Variants in NRG3 observed in about 807,000 individuals in gnomAD.
NRG3 encodes neuregulin 3.
A neutral mutation model predicts 66.9 loss-of-function variants in NRG3; 31 were observed. That is an observed-to-expected ratio of 0.46 (90% CI 0.35 to 0.63). The LOEUF is 0.63. Among genes scored for constraint, NRG3 ranks in the 20% least tolerant of loss-of-function variants. NRG3 has a pLI of 0.00. For missense variants in NRG3, 910 were observed against 878.9 expected, an observed-to-expected ratio of 1.04 and a Z score of -0.45; for synonymous variants, 393 against 359.4, an observed-to-expected ratio of 1.09 and a Z score of -1.06.
chr10:82,321,809 A>G (rs35323469), intron 1 of NRG3, among the ~76,000 whole-genome samples: 7 of 152,248 alleles, frequency 4.6e-5, no homozygotes, highest in Admixed American at 4.6e-4. Flanking sequence ...TCCTGAAGGC[A>G]TAGAACCTTT....
chr10:82,539,345 C>G (rs544131895), intron 2 of NRG3, among the ~76,000 whole-genome samples: 1 of 152,280 alleles, frequency 6.6e-6, no homozygotes, highest in East Asian at 1.9e-4. Context: ...ACAGAGAATT[C>G]TATAGGAAAA....
intron 1 of NRG3, among the ~76,000 whole-genome samples, chr10:82,190,558 C>G (rs967055395): frequency 2.0e-5 from 3 of 152,174 alleles, no homozygotes; most frequent in African/African-American, 7.2e-5. Flanking sequence ...AGCATTTACT[C>G]ATTTAATCCA....
At chr10:82,282,588 C>T (rs2079183606) in intron 1 of NRG3, among the ~76,000 whole-genome samples, 1 of 152,272 alleles carries the variant, frequency 6.6e-6, no homozygotes, top group African/African-American at 2.4e-5. Flanking sequence ...TTGATTTATG[C>T]TTCTAGCCTC....
At chr10:82,210,666 G>A (rs2075351781) in intron 1 of NRG3, among the ~76,000 whole-genome samples, 1 of 152,060 alleles carries the variant, frequency 6.6e-6, no homozygotes, top group Non-Finnish European at 1.5e-5. Flanking sequence ...AAATCAAAGA[G>A]GAAGCTAAAT....
intron 1 of NRG3, among the ~76,000 whole-genome samples, chr10:81,960,367 TA>T (rs1850238016): frequency 6.6e-6 from 1 of 152,214 alleles, no homozygotes; most frequent in Admixed American, 6.5e-5. Flanking sequence ...TGTAGTAACT[TA>T]AAGGCAACTT....
chr10:82,772,836 G>T (rs1230715228), intron 3 of NRG3, among the ~76,000 whole-genome samples: 2 of 151,028 alleles, frequency 1.3e-5, no homozygotes, highest in East Asian at 3.9e-4. Context: ...CTCCCAAGTA[G>T]GTGGGGGAAC....
intron 1 of NRG3, among the ~76,000 whole-genome samples, chr10:82,092,269 A>C (rs2066071366): frequency 6.6e-6 from 1 of 152,114 alleles, no homozygotes; most frequent in Non-Finnish European, 1.5e-5. Flanking sequence ...GTTCTGCCTG[A>C]CTTCAAAGCA....
At chr10:82,290,432 G>A (rs996692394) in intron 1 of NRG3, among the ~76,000 whole-genome samples, 10 of 152,034 alleles carry the variant, frequency 6.6e-5, no homozygotes, top group African/African-American at 9.7e-5. Context: ...TTTATACTGC[G>A]AATTAACACT....
Position 82,523,230 on chromosome 10 carries a change from A to T in NRG3, c.953+164362A>T, listed in dbSNP as rs549529407. Among the ~76,000 whole-genome samples, 530 of 152,098 alleles carry T rather than the reference A, an allele frequency of 3.5e-3. 4 individuals carry two copies. The highest frequency in any genetic ancestry group is 0.013 in the African/African-American group (521 of 41,502). Reference sequence around the variant, plus strand: ...ATGCTGCTATGAGCATTTGTATACAAGAGTTTGTGCAAACATATGCTTTTA... The same window carrying T: ...ATGCTGCTATGAGCATTTGTATACATGAGTTTGTGCAAACATATGCTTTTA... On this transcript the variant is annotated intron_variant, in intron 2 of 8. Transcript: ENST00000372141.
chr10:82,025,989 C>T (rs1436939820), intron 1 of NRG3, among the ~76,000 whole-genome samples: 1 of 152,034 alleles, frequency 6.6e-6, no homozygotes, highest in Non-Finnish European at 1.5e-5. Flanking sequence ...GCATATACAA[C>T]AGGGGGAAAT....
chr10:81,884,628 C>T (rs751863033), intron 1 of NRG3, among the ~76,000 whole-genome samples: 30 of 152,050 alleles, frequency 2.0e-4, no homozygotes, highest in Admixed American at 8.5e-4. Context: ...CTTGTAAGTT[C>T]TCTAGTGATG....
At chr10:82,151,555 G>C (rs2132792107) in intron 1 of NRG3, among the ~76,000 whole-genome samples, 1 of 152,158 alleles carries the variant, frequency 6.6e-6, no homozygotes, top group South Asian at 2.1e-4. Context: ...TCCTGTTTCT[G>C]CCTTGATGTC....
intron 4 of NRG3, among the ~76,000 whole-genome samples, chr10:82,873,113 C>T (rs540697): frequency 0.74 from 112,127 of 151,906 alleles, 41,890 homozygotes; most frequent in African/African-American, 0.86. Context: ...ATTTATATTC[C>T]CGAATTTTTC....
At chr10:82,276,289 A>G (rs2078844672) in intron 1 of NRG3, among the ~76,000 whole-genome samples, 1 of 151,998 alleles carries the variant, frequency 6.6e-6, no homozygotes, top group African/African-American at 2.4e-5. Context: ...ATATTCATAT[A>G]TTTTGCATTT....
intron 1 of NRG3, among the ~76,000 whole-genome samples, chr10:82,335,207 T>C (rs894810461): frequency 1.3e-5 from 2 of 152,196 alleles, no homozygotes; most frequent in Non-Finnish European, 1.5e-5. Flanking sequence ...TGATGATGTT[T>C]AGATGTGATG....
intron 1 of NRG3, among the ~76,000 whole-genome samples, chr10:82,047,029 T>C (rs938348933): frequency 8.1e-6 from 1 of 123,858 alleles, no homozygotes; most frequent in African/African-American, 2.6e-5. Context: ...TCTAAAATTC[T>C]CTTTCTTGGT....
intron 2 of NRG3, among the ~76,000 whole-genome samples, chr10:82,658,024 A>C (rs2052015326): frequency 6.6e-6 from 1 of 152,164 alleles, no homozygotes; most frequent in Admixed American, 6.5e-5. Context: ...TATTTAAAGA[A>C]GGAAATATTA....
At chr10:82,179,929 A>G (rs1288209652) in intron 1 of NRG3, among the ~76,000 whole-genome samples, 2 of 151,834 alleles carry the variant, frequency 1.3e-5, no homozygotes, top group African/African-American at 2.4e-5. Flanking sequence ...AACATTTTGT[A>G]GTTTTCAGCA....
chr10:82,200,214 T>G (rs1043548667), intron 1 of NRG3, among the ~76,000 whole-genome samples: 1 of 152,272 alleles, frequency 6.6e-6, no homozygotes, highest in South Asian at 2.1e-4. Context: ...CAATTATTAG[T>G]GCAATTGGTG....
Sources: allele counts gnomAD v4.1 joint callset (sites outside exome capture counted in the v4.1 genomes callset), GRCh38; gene constraint gnomAD v4.1.1; transcripts MANE v1.5; gene names NCBI Gene and HGNC (gene_info 2026-07-23, HGNC 2026-07-21).